Variants in PCDHGB4 observed in about 807,000 individuals in gnomAD.
The protein encoded by PCDHGB4 is protocadherin gamma subfamily B, 4, also known as protocadherin gamma-B4.
Under a neutral mutation model 60.5 loss-of-function variants are expected in PCDHGB4, and 38 were observed. That is an observed-to-expected ratio of 0.63 (90% confidence interval 0.48 to 0.82). The LOEUF (loss-of-function observed/expected upper bound fraction) is 0.82, where lower values mean the gene tolerates loss of function less well. Among genes scored for constraint, PCDHGB4 ranks in the 40% least tolerant of loss-of-function variants. The pLI, the probability that PCDHGB4 is intolerant of heterozygous loss-of-function variation, is 0.00. For missense variants in PCDHGB4, 1,109 were observed against 1,209.6 expected (o/e 0.92, Z 1.23); for synonymous variants, 456 against 509.7 (o/e 0.89, Z 1.42).
rs761143693 is a variant in PCDHGB4 at position 141,388,591 on chromosome 5, A to G, written c.707A>G (p.Asn236Ser). The change falls in exon 1 of 4, where the codon AAT becomes AGT. Residue 236 changes from asparagine (N) to serine (S), a missense_variant. Transcript: ENST00000519479. ...AQIHVLVTDA[N>S]DNAPVFSQDV... is the part of the protein sequence containing the mutation. ...ATACACGTTCTAGTGACTGATGCCA[A>G]TGATAATGCTCCAGTGTTCAGTCAA... 9 of 1,613,804 alleles carry G rather than the reference A, an allele frequency of 5.6e-6. No individual in the cohort carries two copies. Among genetic ancestry groups the G allele is most frequent in the African/African-American group, 5.3e-5 (4 of 74,904 alleles).
At chr5:141,461,757 G>A (rs2099022119) in intron 1 of PCDHGB4, among the ~76,000 whole-genome samples, 1 of 151,994 alleles carries the variant, frequency 6.6e-6, no homozygotes, top group Non-Finnish European at 1.5e-5. Context: ...AGATTCAAGC[G>A]ATTCTCCTGC....
intron 2 of PCDHGB4, among the ~76,000 whole-genome samples, chr5:141,498,848 G>T (rs930895553): frequency 6.6e-6 from 1 of 151,908 alleles, no homozygotes; most frequent in African/African-American, 2.4e-5. Context: ...CAGGGGAATC[G>T]CTTGAACCCA....
intron 1 of PCDHGB4, among the ~76,000 whole-genome samples, chr5:141,442,717 C>T (rs918238654): frequency 1.3e-5 from 2 of 152,166 alleles, no homozygotes; most frequent in African/African-American, 2.4e-5. Flanking sequence ...CATGCCAGAG[C>T]ATTTGGGGCC....
At chr5:141,458,509 CTTTG>C (rs1327998402) in intron 1 of PCDHGB4, among the ~76,000 whole-genome samples, 2 of 149,986 alleles carry the variant, frequency 1.3e-5, no homozygotes. Context: ...CTGTTTGACA[CTTTG>C]TTTTTTTTTT....
At chr5:141,405,049 C>A in intron 1 of PCDHGB4, 2 of 1,613,936 alleles carry the variant, frequency 1.2e-6, no homozygotes, top group South Asian at 2.2e-5. Flanking sequence ...CTGTGGCAGT[C>A]GTCTCCTGTG....
chr5:141,410,185 T>A lies in PCDHGB4; in HGVS notation c.2397+19904T>A, dbSNP rs373680185. 10 of 1,613,812 alleles carry A rather than the reference T, an allele frequency of 6.2e-6. No individual in the cohort carries two copies. The African/African-American group carries it at 1.3e-4, about 22-fold the overall frequency. On this transcript the variant is annotated intron_variant, in intron 1 of 3. Transcript: ENST00000519479. ...CACTCTCTGCCACCGCCACGCTTCA[T>A]CTGGTCTTCGCAGACAACTTGCAAG...
chr5:141,419,776 C>A (rs965350189), intron 1 of PCDHGB4: 3 of 1,613,908 alleles, frequency 1.9e-6, no homozygotes, highest in African/African-American at 2.7e-5. Flanking sequence ...ACTCGGTCCG[C>A]CAGCGCCTGC....
intron 1 of PCDHGB4, chr5:141,393,226 T>C (rs1291576624): frequency 6.2e-7 from 1 of 1,613,712 alleles, no homozygotes; most frequent in Non-Finnish European, 8.5e-7. Context: ...GTCGAAGATC[T>C]AGAAGTAAAA....
chr5:141,487,919 A>G lies in PCDHGB4; in HGVS notation c.2398-6888A>G, dbSNP rs548678238. ...ATGGAATGTGGGAGCACAGGAGGCTACAGTGCACAGGGTACAGTGCACCAG... is the reference window on the plus strand; with the variant it reads ...ATGGAATGTGGGAGCACAGGAGGCTGCAGTGCACAGGGTACAGTGCACCAG... On this transcript the variant is annotated intron_variant, in intron 1 of 3. Transcript: ENST00000519479. The surrounding 1 kb of genome is among the most constrained non-coding windows in gnomAD (Gnocchi z 5.0). 23 of 644,878 alleles carry G rather than the reference A, an allele frequency of 3.6e-5. No individual in the cohort carries two copies. Among genetic ancestry groups the G allele is most frequent in the Non-Finnish European group, 5.6e-5 (21 of 374,374 alleles). 39.9% of individuals were successfully genotyped at this position (644,878 alleles called of 1,614,324 possible). A position where few individuals can be genotyped will look rare whatever the true frequency, so the allele number is the denominator to read the frequency against.
intron 1 of PCDHGB4, chr5:141,484,904 C>A: frequency 2.5e-6 from 1 of 405,682 alleles, no homozygotes; most frequent in Non-Finnish European, 4.4e-6. Context: ...TCCAATGCTG[C>A]GACGCATTAA....
chr5:141,399,383 C>A, intron 1 of PCDHGB4: 1 of 1,614,008 alleles, frequency 6.2e-7, no homozygotes. Context: ...GTCACCATCA[C>A]AGCCACAGAC....
chr5:141,494,923 G>A lies in PCDHGB4; in HGVS notation c.2456+58G>A, dbSNP rs572227346. Reference sequence around the variant, plus strand: ...TCTGCGGCATTTTCTCAGGGATGACGTGGGAGGAGATGGGGGAGGGCCCAG... The same window carrying A: ...TCTGCGGCATTTTCTCAGGGATGACATGGGAGGAGATGGGGGAGGGCCCAG... On this transcript the variant is annotated intron_variant, in intron 2 of 3. Coordinates refer to ENST00000519479, the MANE Select transcript of PCDHGB4 (RefSeq NM_003736.4). The A allele has an allele frequency of 8.9e-5, 143 of 1,613,698 alleles. 1 individual carries two copies. In the Middle Eastern group the frequency reaches 1.8e-3, roughly 20 times the overall value.
rs2099606506 is a variant in PCDHGB4 at position 141,485,072 on chromosome 5, G to A, written c.2398-9735G>A. ...CCGGCCGAACCGCGCCAGAGCTGGC[G>A]CGGGGAAAGGGAGATAGGTGTCTCC... On this transcript the variant is annotated intron_variant, in intron 1 of 3. Transcript: ENST00000519479. This position sits in a 1 kb window ranked among gnomAD's most constrained non-coding sequence, Gnocchi z 5.7. 2 of 916,892 alleles carry A rather than the reference G, an allele frequency of 2.2e-6. No homozygotes were observed. The highest frequency in any genetic ancestry group is 3.4e-6 in the Non-Finnish European group (2 of 587,886). The allele number at this position is 916,892 out of a possible 1,614,324, so 56.8% of individuals were successfully genotyped here.
chr5:141,403,929 G>A (rs1203236737), intron 1 of PCDHGB4: 5 of 1,613,854 alleles, frequency 3.1e-6, no homozygotes, highest in Non-Finnish European at 4.2e-6. Context: ...GATGGTGGGG[G>A]ATTGAAAGGG....
At chr5:141,468,877 T>C (rs1321110515) in intron 1 of PCDHGB4, among the ~76,000 whole-genome samples, 2 of 149,546 alleles carry the variant, frequency 1.3e-5, no homozygotes, top group African/African-American at 4.9e-5. Context: ...AAAATAATAA[T>C]AATAATAATA....
At chr5:141,496,782 C>T (rs552953558) in intron 2 of PCDHGB4, among the ~76,000 whole-genome samples, 16 of 152,136 alleles carry the variant, frequency 1.1e-4, no homozygotes, top group South Asian at 2.1e-4. Context: ...TGAGCAGGGC[C>T]CTGTGCTAAA....
chr5:141,428,238 G>A lies in PCDHGB4; in HGVS notation c.2397+37957G>A, dbSNP rs775703660. On this transcript the variant is annotated intron_variant, in intron 1 of 3. Transcript: ENST00000519479. ...TAGTCTTCGCAGACAGCCTGCAGGA[G>A]GCACTGCCAGACTTCAGTGACAGTC... 1.0e-5 allele frequency: 10 copies of A among 998,180 alleles called. No individual in the cohort carries two copies. The South Asian group carries it at 1.3e-4, about 13-fold the overall frequency. The allele number at this position is 998,180 out of a possible 1,614,324, so 61.8% of individuals were successfully genotyped here. A position where few individuals can be genotyped will look rare whatever the true frequency, so the allele number is the denominator to read the frequency against.
In PCDHGB4 at chr5:141,467,461, A is replaced by G. The variant is rs1330947379; in HGVS notation, c.2398-27346A>G. ...ATTACTTTTTTCTTCCAGTGCTAGT[A>G]CTTGCATGGTTTTTGGTTTCCACAT... On this transcript the variant is annotated intron_variant, in intron 1 of 3. Coordinates refer to ENST00000519479, the MANE Select transcript of PCDHGB4 (RefSeq NM_003736.4). 2.6e-5 allele frequency among the ~76,000 whole-genome samples: 4 copies of G among 152,158 alleles called. No homozygotes were observed. The South Asian group carries it at 8.3e-4, about 31-fold the overall frequency.
intron 1 of PCDHGB4, chr5:141,404,714 G>A: frequency 3.1e-6 from 5 of 1,614,068 alleles, no homozygotes; most frequent in Non-Finnish European, 4.2e-6. Flanking sequence ...TGGCTACCTG[G>A]TGACCAAGGT....
Sources: allele counts gnomAD v4.1 joint callset (sites outside exome capture counted in the v4.1 genomes callset), GRCh38; gene constraint gnomAD v4.1.1; non-coding constraint Gnocchi (gnomAD v3.1); transcripts MANE v1.5; gene names NCBI Gene and HGNC (gene_info 2026-07-23, HGNC 2026-07-21).